The following CCDC30 variants were observed in gnomAD, a reference collection of about 807,000 sequenced individuals.
CCDC30 encodes coiled-coil domain containing 30.
Under a neutral mutation model 100.2 loss-of-function variants are expected in CCDC30, and 70 were observed. The ratio of observed to expected loss-of-function variants is 0.70; its 90% CI spans 0.58 to 0.85. The LOEUF is 0.85. Ranked by LOEUF, CCDC30 falls within the 40% of genes least tolerant of loss-of-function variation. CCDC30 has a pLI of 0.00. For missense variants in CCDC30, 652 were observed against 771.2 expected, an observed-to-expected ratio of 0.85 and a Z score of 1.83; for synonymous variants, 233 against 269.5, an observed-to-expected ratio of 0.86 and a Z score of 1.33.
chr1:42,563,738 A>G (rs909352466), intron 6 of CCDC30, among the ~76,000 whole-genome samples: 8 of 152,098 alleles, frequency 5.3e-5, no homozygotes, highest in Non-Finnish European at 8.8e-5. Context: ...TTAGCTGGGC[A>G]TGGTGGCACG....
chr1:42,510,502 C>G (rs1328367477), intron 6 of CCDC30, among the ~76,000 whole-genome samples: 2 of 151,978 alleles, frequency 1.3e-5, no homozygotes, highest in African/African-American at 4.8e-5. Flanking sequence ...ACTAAAAATA[C>G]AATAATTAGC....
chr1:42,620,746 C>G (rs762739421), intron 11 of CCDC30, among the ~76,000 whole-genome samples: 21 of 152,136 alleles, frequency 1.4e-4, no homozygotes, highest in Non-Finnish European at 2.5e-4. Flanking sequence ...AGGCACACAG[C>G]TCACAGATCT....
At chr1:42,491,783 G>A (rs1644147509) in intron 4 of CCDC30, 2 of 304,260 alleles carry the variant, frequency 6.6e-6, no homozygotes, top group South Asian at 7.9e-5. Flanking sequence ...GTGGCAAAAA[G>A]GGAGCCGAAA....
At chr1:42,494,477 AT>A (rs1465696553) in intron 4 of CCDC30, among the ~76,000 whole-genome samples, 1 of 152,188 alleles carries the variant, frequency 6.6e-6, no homozygotes, top group Non-Finnish European at 1.5e-5. Context: ...ACCAAAAGCA[AT>A]GGCAACAAAA....
intron 6 of CCDC30, among the ~76,000 whole-genome samples, chr1:42,506,247 A>T (rs1308229840): frequency 1.3e-5 from 2 of 152,240 alleles, no homozygotes; most frequent in African/African-American, 4.8e-5. Flanking sequence ...TCATGCAGTT[A>T]TCTCCTGTTT....
intron 8 of CCDC30, among the ~76,000 whole-genome samples, chr1:42,579,813 T>G (rs1570133539): frequency 6.6e-6 from 1 of 151,712 alleles, no homozygotes; most frequent in East Asian, 1.9e-4. Flanking sequence ...CTGAGCAACA[T>G]AGTGAGACCC....
intron 10 of CCDC30, among the ~76,000 whole-genome samples, chr1:42,607,795 T>G (rs1646533268): frequency 1.3e-5 from 2 of 152,204 alleles, no homozygotes; most frequent in South Asian, 4.1e-4. Context: ...GTCATTTCAT[T>G]GTATAAAAAG....
Position 42,557,714 on chromosome 1 carries a change from T to TTTTATTTATA in CCDC30, c.457-8582_457-8581insTTTATTTATA, listed in dbSNP as rs1479151499. 2.1e-4 allele frequency among the ~76,000 whole-genome samples: 31 copies of TTTTATTTATA among 147,586 alleles called. No individual in the cohort carries two copies. In the East Asian group the frequency reaches 3.1e-3, roughly 15 times the overall value. On this transcript the variant is annotated intron_variant, in intron 6 of 16. Coordinates refer to ENST00000668663, the Ensembl canonical transcript of CCDC30. ...TATATTAAATATATTAAATAAAATA[T>TTTTATTTATA]GTAAATAATAAAATATTTAAAATTT...
At chr1:42,636,829 G>A (rs530473341) in intron 11 of CCDC30, among the ~76,000 whole-genome samples, 6 of 151,974 alleles carry the variant, frequency 3.9e-5, no homozygotes, top group Admixed American at 1.3e-4. Flanking sequence ...AGCAGGGCAT[G>A]GTGGCAGGCA....
intron 11 of CCDC30, among the ~76,000 whole-genome samples, chr1:42,636,991 A>G (rs1377863000): frequency 6.6e-6 from 1 of 150,524 alleles, no homozygotes; most frequent in Non-Finnish European, 1.5e-5. Context: ...AAAAAAAAAA[A>G]AGACCAAGAT....
intron 10 of CCDC30, among the ~76,000 whole-genome samples, chr1:42,608,167 G>A (rs554805248): frequency 6.8e-4 from 103 of 152,008 alleles, no homozygotes; most frequent in African/African-American, 2.4e-3. Context: ...CAAACACCAT[G>A]TCTGTAATTC....
rs61775575 is a variant in CCDC30 at position 42,600,126 on chromosome 1, G to A, written c.1164+10643G>A. 3.9e-3 allele frequency among the ~76,000 whole-genome samples: 597 copies of A among 152,156 alleles called. 1 individual carries two copies. The highest frequency in any genetic ancestry group is 6.3e-3 in the Non-Finnish European group (430 of 67,998). On this transcript the variant is annotated intron_variant, in intron 10 of 16. Coordinates refer to ENST00000668663, the Ensembl canonical transcript of CCDC30. ...CCACCAGGCCCCACCTTCAACACTC[G>A]GGATCACAATTCAACATGAGATTTG...
At chr1:42,501,738 T>C (rs934245699) in intron 6 of CCDC30, among the ~76,000 whole-genome samples, 25 of 152,204 alleles carry the variant, frequency 1.6e-4, no homozygotes, top group African/African-American at 6.0e-4. Context: ...CCTGTTTGTC[T>C]GGGTATCACC....
intron 6 of CCDC30, chr1:42,537,750 ACC>A: frequency 6.1e-6 from 1 of 163,874 alleles, no homozygotes; most frequent in Non-Finnish European, 1.3e-5. Context: ...TGGGCGGATC[ACC>A]TGAGGTCAGG....
At chr1:42,557,849 T>G (rs1645404555) in intron 6 of CCDC30, among the ~76,000 whole-genome samples, 1 of 151,440 alleles carries the variant, frequency 6.6e-6, no homozygotes, top group South Asian at 2.1e-4. Flanking sequence ...ATGTTAGGCA[T>G]CATCTGGTCT....
At chr1:42,489,989 C>T (rs1644112225) in intron 3 of CCDC30, 169 bp from the exon 4 acceptor site, 2 of 319,814 alleles carry the variant, frequency 6.3e-6, no homozygotes, top group South Asian at 1.6e-4. Flanking sequence ...GCAGTAGGAA[C>T]TCTAAGAGAG....
upstream of CCDC30, chr1:42,459,372 C>G: frequency 5.8e-6 from 3 of 514,962 alleles, no homozygotes; most frequent in South Asian, 8.5e-5. Flanking sequence ...CCATGTTGCC[C>G]AGGCTGGTCT....
intron 6 of CCDC30, among the ~76,000 whole-genome samples, chr1:42,552,943 T>C (rs761153715): frequency 3.5e-4 from 53 of 152,034 alleles, no homozygotes; most frequent in Non-Finnish European, 7.1e-4. Flanking sequence ...TCGGCAGGGA[T>C]AAAAGTCCCT....
intron 1 of CCDC30, among the ~76,000 whole-genome samples, chr1:42,466,815 G>A (rs1643603791): frequency 6.6e-6 from 1 of 152,150 alleles, no homozygotes; most frequent in African/African-American, 2.4e-5. Context: ...GCCTCCCAAA[G>A]TGCTGGGATT....
Sources: allele counts gnomAD v4.1 joint callset (sites outside exome capture counted in the v4.1 genomes callset), GRCh38; gene constraint gnomAD v4.1.1; transcripts MANE v1.5; gene names NCBI Gene and HGNC (gene_info 2026-07-23, HGNC 2026-07-21).